FRAS1: variants seen among roughly 807,000 people sequenced by gnomAD.
FRAS1 encodes Fraser extracellular matrix complex subunit 1.
A neutral mutation model predicts 435.2 loss-of-function variants in FRAS1; 290 were observed. That is an observed-to-expected ratio of 0.67 (90% confidence interval 0.61 to 0.73). The LOEUF (loss-of-function observed/expected upper bound fraction) is 0.73, where lower values mean the gene tolerates loss of function less well. FRAS1 is among the 30% of genes least tolerant of loss of function. The pLI, the probability that FRAS1 is intolerant of heterozygous loss-of-function variation, is 0.00. For synonymous variants in FRAS1, 1,800 were observed against 1,851.0 expected, an observed-to-expected ratio of 0.97 and a Z score of 0.71; for missense variants, 4,860 against 5,001.5, an observed-to-expected ratio of 0.97 and a Z score of 0.85.
chr4:78,217,753 C>T (rs531125439), intron 2 of FRAS1, among the ~76,000 whole-genome samples: 76 of 151,542 alleles, frequency 5.0e-4, no homozygotes, highest in African/African-American at 1.7e-3. Context: ...TGGCAAACTC[C>T]TATTCCCTCT....
intron 37 of FRAS1, 42 bp from the exon 38 acceptor site, chr4:78,432,315 T>A (rs546835682): frequency 1.3e-6 from 2 of 1,541,440 alleles, no homozygotes; most frequent in Admixed American, 3.8e-5. Flanking sequence ...AAAGCATTAT[T>A]CCCAGAAGCA....
At chr4:78,517,019 G>C (rs1469980297) in intron 66 of FRAS1, among the ~76,000 whole-genome samples, 1 of 152,180 alleles carries the variant, frequency 6.6e-6, no homozygotes, top group African/African-American at 2.4e-5. Context: ...GTCCTCATGG[G>C]AAAATTAATT....
intron 55 of FRAS1, among the ~76,000 whole-genome samples, chr4:78,478,953 G>C (rs1719931766): frequency 6.6e-6 from 1 of 152,162 alleles, no homozygotes; most frequent in Non-Finnish European, 1.5e-5. Flanking sequence ...AAATAAGCCT[G>C]TTTCTTTCTG....
intron 58 of FRAS1, among the ~76,000 whole-genome samples, chr4:78,483,280 G>A (rs60144489): frequency 0.22 from 33,459 of 152,122 alleles, 4,209 homozygotes; most frequent in African/African-American, 0.33. Flanking sequence ...GGGATGAATA[G>A]AGGCAGGTAT....
In FRAS1 at chr4:78,448,312, A is replaced by C; in HGVS notation, c.6270A>C (p.Ser2090=). The C allele has an allele frequency of 6.2e-7, 1 of 1,603,570 alleles. No individual in the cohort carries two copies. The highest frequency in any genetic ancestry group is 8.5e-7 in the Non-Finnish European group (1 of 1,174,486). The change falls in exon 44 of 74, where the codon TCA becomes TCC. Residue 2090 remains serine (S), a synonymous_variant. Transcript: ENST00000512123. ...HLAINQGLQL[S]AGSVARITEQ... is the part of the protein sequence containing the mutation. Reference sequence around the variant, plus strand: ...CTATAAACCAAGGCCTACAGCTCTCAGCAGGTACCACAGAAATAAAGGAGA... The same window carrying C: ...CTATAAACCAAGGCCTACAGCTCTCCGCAGGTACCACAGAAATAAAGGAGA...
intron 60 of FRAS1, among the ~76,000 whole-genome samples, chr4:78,497,708 C>T (rs1242107315): frequency 2.0e-5 from 3 of 152,206 alleles, no homozygotes; most frequent in Admixed American, 2.0e-4. Context: ...CTTAGTTATA[C>T]AGCTGTAAAC....
chr4:78,091,998 A>AC (rs1741551975), intron 2 of FRAS1, among the ~76,000 whole-genome samples: 1 of 151,020 alleles, frequency 6.6e-6, no homozygotes, highest in South Asian at 2.1e-4. Context: ...AAAAAAAAAA[A>AC]AGGAAAAAAA....
intron 15 of FRAS1, among the ~76,000 whole-genome samples, chr4:78,315,020 G>C (rs1729179760): frequency 1.3e-5 from 2 of 152,098 alleles, no homozygotes; most frequent in African/African-American, 4.8e-5. Context: ...TCTAACCCCG[G>C]CACAAGACCT....
intron 2 of FRAS1, among the ~76,000 whole-genome samples, chr4:78,086,909 C>T (rs996787764): frequency 1.3e-5 from 2 of 152,150 alleles, no homozygotes; most frequent in African/African-American, 4.8e-5. Context: ...GGGAATCCTC[C>T]CTAACTCATT....
chr4:78,057,544 GC>G lies in FRAS1; in HGVS notation c.-465del. On this transcript the variant is annotated 5_prime_UTR_variant, in exon 1 of 74. The change creates a premature stop within an existing upstream ORF in the 5' untranslated region. Transcript: ENST00000512123. The surrounding 1 kb of genome is among the most constrained non-coding windows in gnomAD (Gnocchi z 4.2). Reference sequence around the variant, plus strand: ...GCTCCCGGCGACCCGCGGTGCCGACGCAACGCCGACGTATGGTGCCAAGCGA... The same window carrying G: ...GCTCCCGGCGACCCGCGGTGCCGACGAACGCCGACGTATGGTGCCAAGCGA... 1.3e-5 allele frequency: 2 copies of G among 157,074 alleles called. No homozygotes were observed. The highest frequency in any genetic ancestry group is 2.8e-5 in the Non-Finnish European group (2 of 71,322). 9.7% of individuals were successfully genotyped at this position (157,074 alleles called of 1,614,324 possible).
intron 69 of FRAS1, among the ~76,000 whole-genome samples, chr4:78,525,935 G>A (rs942093638): frequency 2.0e-5 from 3 of 152,162 alleles, no homozygotes; most frequent in Non-Finnish European, 4.4e-5. Context: ...CTTGTTCTTC[G>A]ACTTTATAAA....
At chr4:78,288,217 G>A (rs1298877686) in intron 14 of FRAS1, among the ~76,000 whole-genome samples, 1 of 152,166 alleles carries the variant, frequency 6.6e-6, no homozygotes, top group Non-Finnish European at 1.5e-5. Flanking sequence ...TAATGGTTGG[G>A]CAATTTAGGT....
intron 20 of FRAS1, among the ~76,000 whole-genome samples, chr4:78,346,476 G>A (rs578025968): frequency 1.1e-4 from 17 of 152,254 alleles, no homozygotes; most frequent in South Asian, 1.0e-3. Context: ...TCCAAGGAGC[G>A]CACTTCAGAG....
chr4:78,406,746 T>A (rs1019744257), intron 30 of FRAS1, among the ~76,000 whole-genome samples: 1 of 152,186 alleles, frequency 6.6e-6, no homozygotes, highest in Non-Finnish European at 1.5e-5. Flanking sequence ...CTTATGGAGC[T>A]TAAGGAAGCT....
At position 78,512,640 on chromosome 4, in the gene FRAS1, C is replaced by G. The variant is rs573307753; in HGVS notation, c.10014-752C>G. Reference sequence around the variant, plus strand: ...AACAAAAGAAGTGAAGGAAATATTCCTTGTCCTCATAGTGGAGAGGCAAGA... The same window carrying G: ...AACAAAAGAAGTGAAGGAAATATTCGTTGTCCTCATAGTGGAGAGGCAAGA... On this transcript the variant is annotated intron_variant, in intron 64 of 73. Coordinates refer to ENST00000512123, the MANE Select transcript of FRAS1 (RefSeq NM_025074.7). Among the ~76,000 whole-genome samples the G allele has an allele frequency of 9.2e-5, 14 of 152,302 alleles. 2 individuals are homozygous for G. The South Asian group carries it at 2.9e-3, about 32-fold the overall frequency.
At chr4:78,160,138 A>AT (rs1560556342) in intron 2 of FRAS1, among the ~76,000 whole-genome samples, 3 of 152,222 alleles carry the variant, frequency 2.0e-5, no homozygotes. Flanking sequence ...TAATTTACCC[A>AT]TAAGTAAATT....
At chr4:78,480,895 A>G (rs1488772382) in intron 56 of FRAS1, among the ~76,000 whole-genome samples, 1 of 152,242 alleles carries the variant, frequency 6.6e-6, no homozygotes, top group Non-Finnish European at 1.5e-5. Flanking sequence ...CGGGCACCAT[A>G]CCGTGCATGT....
At chr4:78,185,062 TC>T (rs1375726037) in intron 2 of FRAS1, among the ~76,000 whole-genome samples, 1 of 152,208 alleles carries the variant, frequency 6.6e-6, no homozygotes, top group Non-Finnish European at 1.5e-5. Context: ...GCCCTGGCAT[TC>T]AACCCCAGGA....
At chr4:78,213,584 A>G (rs1398444597) in intron 2 of FRAS1, among the ~76,000 whole-genome samples, 1 of 152,170 alleles carries the variant, frequency 6.6e-6, no homozygotes, top group Non-Finnish European at 1.5e-5. Context: ...AGCTTTTGTA[A>G]TCTGGATAAA....
Sources: gnomAD v4.1 joint callset for allele counts (sites outside exome capture counted in the v4.1 genomes callset) on GRCh38, gnomAD v4.1.1 for gene constraint, Gnocchi (gnomAD v3.1) non-coding constraint, MANE v1.5 for transcripts, NCBI Gene and HGNC (gene_info 2026-07-23, HGNC 2026-07-21) for gene names.